Variants in PIK3C2G observed in about 807,000 individuals in gnomAD.
The protein encoded by PIK3C2G is phosphatidylinositol-4-phosphate 3-kinase catalytic subunit type 2 gamma, also known as phosphatidylinositol 3-kinase C2 domain-containing subunit gamma.
In PIK3C2G, 168 loss-of-function variants were observed where a neutral mutation model predicts 181.1. The ratio of observed to expected loss-of-function variants is 0.93; its 90% confidence interval spans 0.82 to 1.05. The LOEUF is 1.05. Among genes scored for constraint, PIK3C2G ranks in the 50% least tolerant of loss-of-function variants. The pLI is 0.00. For missense variants in PIK3C2G, 1,869 were observed against 1,732.8 expected (o/e 1.08, Z -1.40); for synonymous variants, 573 against 592.2 (o/e 0.97, Z 0.47).
rs114857716 is a variant in PIK3C2G at position 18,544,020 on chromosome 12, T to C, written c.3481-2303T>C. 2.5e-3 allele frequency among the ~76,000 whole-genome samples: 381 copies of C among 151,918 alleles called. 3 individuals are homozygous for C. The highest frequency in any genetic ancestry group is 8.9e-3 in the African/African-American group (369 of 41,478). ...CTATGAAAGAAGTAGAACCAAAATATGATTGTACAAAGAAAGCAGTCATTA... is the reference window on the plus strand; with the variant it reads ...CTATGAAAGAAGTAGAACCAAAATACGATTGTACAAAGAAAGCAGTCATTA... On this transcript the variant is annotated intron_variant, in intron 25 of 32. Coordinates refer to ENST00000538779, the MANE Select transcript of PIK3C2G (RefSeq NM_001288772.2).
At chr12:18,401,477 T>C (rs1320880571) in intron 16 of PIK3C2G, among the ~76,000 whole-genome samples, 2 of 152,144 alleles carry the variant, frequency 1.3e-5, no homozygotes, top group Non-Finnish European at 2.9e-5. Flanking sequence ...TTATGCTAAA[T>C]TCTAGCCGGT....
chr12:18,568,000 G>T (rs890331099), intron 29 of PIK3C2G, among the ~76,000 whole-genome samples: 19 of 152,240 alleles, frequency 1.2e-4, no homozygotes, highest in Non-Finnish European at 2.4e-4. Flanking sequence ...CTCTGAGTGT[G>T]TCATCACATC....
intron 18 of PIK3C2G, among the ~76,000 whole-genome samples, chr12:18,430,653 G>A (rs531397743): frequency 2.0e-5 from 3 of 152,122 alleles, no homozygotes; most frequent in African/African-American, 7.2e-5. Flanking sequence ...TCAACTAAGA[G>A]CTGGCCTGGC....
At chr12:18,644,086 CAG>C (rs1192364049) in intron 32 of PIK3C2G, among the ~76,000 whole-genome samples, 2 of 152,082 alleles carry the variant, frequency 1.3e-5, no homozygotes, top group African/African-American at 4.8e-5. Flanking sequence ...AGAAAAGTGA[CAG>C]AGTCTCCACC....
intron 31 of PIK3C2G, among the ~76,000 whole-genome samples, chr12:18,627,613 C>A (rs1403954181): frequency 6.6e-6 from 1 of 152,174 alleles, no homozygotes; most frequent in Admixed American, 6.6e-5. Context: ...GCTGACATCA[C>A]TCCTCAGCCA....
intron 24 of PIK3C2G, among the ~76,000 whole-genome samples, chr12:18,518,584 C>A (rs1942706745): frequency 6.6e-6 from 1 of 151,950 alleles, no homozygotes; most frequent in Admixed American, 6.6e-5. Flanking sequence ...GTTGATACCC[C>A]CTTTATCACT....
intron 22 of PIK3C2G, among the ~76,000 whole-genome samples, chr12:18,499,475 A>G (rs1941256691): frequency 6.6e-6 from 1 of 152,250 alleles, no homozygotes; most frequent in Non-Finnish European, 1.5e-5. Context: ...TGACTTTATC[A>G]ACATTATTGC....
Position 18,338,519 on chromosome 12 carries a change from C to T in PIK3C2G, c.1366C>T (p.Leu456=). The change falls in exon 9 of 33, where the codon CTA becomes TTA. Residue 456 remains leucine, a synonymous_variant. Coordinates refer to ENST00000538779, the MANE Select transcript of PIK3C2G (RefSeq NM_001288772.2). ...TKQITDAVNE[L]SLILQRKGEN... ...ACAAATTACAGATGCAGTAAATGAA[C>T]TAAGTCTAATTCTTCAGAGAAAAGG... 1 of 1,591,018 alleles carries T rather than the reference C, an allele frequency of 6.3e-7. No homozygotes were observed. The highest frequency in any genetic ancestry group is 8.6e-7 in the Non-Finnish European group (1 of 1,159,470).
the PIK3C2G span, among the ~76,000 whole-genome samples, chr12:18,713,559 C>T: frequency 3.3e-5 from 5 of 152,066 alleles, no homozygotes; most frequent in South Asian, 1.0e-3. Context: ...AGCTAGAGGG[C>T]CTGGTGAATC....
At chr12:18,273,043 TAG>T (rs34596920) in intron 1 of PIK3C2G, among the ~76,000 whole-genome samples, 1 of 150,338 alleles carries the variant, frequency 6.7e-6, no homozygotes, top group Middle Eastern at 3.4e-3. Context: ...CACACAGAGA[TAG>T]AGAGAGAGAG....
At chr12:18,430,709 A>G (rs1371406034) in intron 18 of PIK3C2G, among the ~76,000 whole-genome samples, 9 of 152,170 alleles carry the variant, frequency 5.9e-5, no homozygotes, top group Admixed American at 5.2e-4. Flanking sequence ...GAGGCAATGG[A>G]TATCACTAGT....
At chr12:18,569,311 G>A (rs1358434362) in intron 29 of PIK3C2G, among the ~76,000 whole-genome samples, 2 of 151,628 alleles carry the variant, frequency 1.3e-5, no homozygotes, top group Non-Finnish European at 2.9e-5. Flanking sequence ...CCCCAGCTGG[G>A]ACTCCATCCC....
rs887648340 is a variant in PIK3C2G at position 18,427,370 on chromosome 12, G to C, written c.2504+3331G>C. ...AAAAATACAAAAATTAGCCGGGCCTGGTGGCGGGCGCCTGTAATCTCAGCT... is the reference window on the plus strand; with the variant it reads ...AAAAATACAAAAATTAGCCGGGCCTCGTGGCGGGCGCCTGTAATCTCAGCT... On this transcript the variant is annotated intron_variant, in intron 18 of 32. Transcript: ENST00000538779. 6.6e-5 allele frequency among the ~76,000 whole-genome samples: 10 copies of C among 151,166 alleles called. 1 individual carries two copies. Among genetic ancestry groups the C allele is most frequent in the Admixed American group, 6.6e-5 (1 of 15,188 alleles).
intron 26 of PIK3C2G, among the ~76,000 whole-genome samples, chr12:18,554,226 G>A (rs11833352): frequency 0.077 from 11,730 of 152,032 alleles, 1,100 homozygotes; most frequent in African/African-American, 0.23. Context: ...GCCAAATCAT[G>A]TGGAAAAAAG....
the PIK3C2G span, among the ~76,000 whole-genome samples, chr12:18,711,274 T>C: frequency 2.0e-5 from 3 of 150,024 alleles, no homozygotes; most frequent in Middle Eastern, 3.4e-3. Flanking sequence ...CTCAGCAAAC[T>C]ATCGCAAGGA....
At chr12:18,341,046 G>T (rs979952417) in intron 9 of PIK3C2G, among the ~76,000 whole-genome samples, 2 of 152,094 alleles carry the variant, frequency 1.3e-5, no homozygotes, top group Non-Finnish European at 2.9e-5. Flanking sequence ...AAGACTATTT[G>T]GTTATTCTTC....
At chr12:18,461,223 A>G (rs1947904549) in intron 18 of PIK3C2G, among the ~76,000 whole-genome samples, 1 of 152,146 alleles carries the variant, frequency 6.6e-6, no homozygotes, top group African/African-American at 2.4e-5. Context: ...TCATAACGTC[A>G]TTTTTGCAAC....
chr12:18,712,746 A>C, the PIK3C2G span: 4 of 1,427,812 alleles, frequency 2.8e-6, no homozygotes, highest in African/African-American at 5.6e-5. Flanking sequence ...TTGAAATATC[A>C]TCTAAAGTAA....
At chr12:18,682,293 G>A in the PIK3C2G span, among the ~76,000 whole-genome samples, 57,270 of 151,850 alleles carry the variant, frequency 0.38, 13,468 homozygotes, top group South Asian at 0.59. Flanking sequence ...AAGATATCAC[G>A]TGTTAGTACA....
Sources: allele counts gnomAD v4.1 joint callset (sites outside exome capture counted in the v4.1 genomes callset), GRCh38; gene constraint gnomAD v4.1.1; transcripts MANE v1.5; gene names NCBI Gene and HGNC (gene_info 2026-07-23, HGNC 2026-07-21).